Variants in MAPK12 observed in about 807,000 individuals in gnomAD.
The protein encoded by MAPK12 is mitogen-activated protein kinase 12.
A neutral mutation model predicts 49.1 loss-of-function variants in MAPK12; 49 were observed. That is an observed-to-expected ratio of 1.00 (90% CI 0.79 to 1.27). MAPK12 has a LOEUF of 1.27. Ranked by LOEUF, MAPK12 falls within the 50% of genes most tolerant of loss-of-function variation. The pLI, the probability that MAPK12 is intolerant of heterozygous loss-of-function variation, is 0.00. For missense variants in MAPK12, 554 were observed against 502.4 expected, an observed-to-expected ratio of 1.10 and a Z score of -0.98; for synonymous variants, 251 against 209.7, an observed-to-expected ratio of 1.20 and a Z score of -1.70.
chr22:50,254,894 G>A (rs1569141010), intron 11 of MAPK12: 1 of 1,273,244 alleles, frequency 7.9e-7, no homozygotes, highest in Non-Finnish European at 1.0e-6. Context: ...AGCCTGCCAG[G>A]AACACCCTTC....
intron 2 of MAPK12, 104 bp downstream of exon 2, chr22:50,261,063 C>T: frequency 7.6e-7 from 1 of 1,318,956 alleles, no homozygotes; most frequent in Non-Finnish European, 9.9e-7. Context: ...CGCCCGGCCC[C>T]ACAGCAGGCT....
At chr22:50,258,403 G>T in intron 2 of MAPK12, 102 bp from the exon 3 acceptor site, 1 of 970,590 alleles carries the variant, frequency 1.0e-6, no homozygotes, top group Non-Finnish European at 1.6e-6. Context: ...CTCTGCAGCT[G>T]TCATTGTCAT....
chr22:50,256,518 C>A, intron 6 of MAPK12, 81 bp downstream of exon 6: 1 of 1,527,296 alleles, frequency 6.5e-7, no homozygotes, highest in South Asian at 1.3e-5. Context: ...GCCCCCTGCC[C>A]AGGCCTGACA....
Position 50,256,950 on chromosome 22 carries a change from G to C in MAPK12, c.441C>G (p.Ala147=). 6.2e-7 allele frequency: 1 copy of C among 1,606,420 alleles called. No individual in the cohort carries two copies. The highest frequency in any genetic ancestry group is 8.5e-7 in the Non-Finnish European group (1 of 1,178,226). The change falls in exon 5 of 12, where the codon GCC becomes GCG. Residue 147 remains alanine, a synonymous_variant. Coordinates refer to ENST00000215659, the MANE Select transcript of MAPK12 (RefSeq NM_002969.6). ...MLKGLRYIHA[A]GIIHRDLKPG... ...CGGGACTCACTCTGTGGATGATGCC[G>C]GCAGCGTGGATATACTGCGGGGGGC...
chr22:50,257,138 T>C lies in MAPK12; in HGVS notation c.370A>G (p.Lys124Glu). ...TDLGKLMKHE[K>E]LGEDRIQFLV... ...AACTGGATCCGGTCCTCGCCTAGCT[T>C]CTCATGTTTCATGAGCTTGCCCAGG... The change falls in exon 4 of 12, where the codon AAG (lysine) becomes GAG (glutamate). Residue 124 changes from lysine to glutamate, a missense_variant. Lys to Glu is a moderately conservative substitution (Grantham distance 56). Coordinates refer to ENST00000215659, the MANE Select transcript of MAPK12 (RefSeq NM_002969.6). The C allele has an allele frequency of 6.2e-7, 1 of 1,612,940 alleles. No individual in the cohort carries two copies. Among genetic ancestry groups the C allele is most frequent in the Non-Finnish European group, 8.5e-7 (1 of 1,179,950 alleles).
intron 3 of MAPK12, chr22:50,257,876 G>T (rs781434424): frequency 3.9e-6 from 3 of 763,350 alleles, no homozygotes; most frequent in South Asian, 1.4e-5. Flanking sequence ...TCCCCCACCC[G>T]CTGGAAAAGG....
chr22:50,253,662 A>G, intron 11 of MAPK12, 182 bp from the exon 12 acceptor site: 1 of 597,716 alleles, frequency 1.7e-6, no homozygotes, highest in Non-Finnish European at 3.0e-6. Flanking sequence ...TGGATTTTCC[A>G]GGGAAAGGGG....
chr22:50,260,387 C>G (rs1298656454), intron 2 of MAPK12, among the ~76,000 whole-genome samples: 1 of 151,846 alleles, frequency 6.6e-6, no homozygotes, highest in Non-Finnish European at 1.5e-5. Context: ...GGGCCCAGAC[C>G]AGGGGGAGGG....
At chr22:50,256,714 G>C in intron 5 of MAPK12, 68 bp from the exon 6 acceptor site, 8 of 1,552,470 alleles carry the variant, frequency 5.2e-6, no homozygotes, top group Non-Finnish European at 7.0e-6. Context: ...AAGAGCCTGG[G>C]TGGCACCTAA....
chr22:50,253,613 T>C (rs1050013756), intron 11 of MAPK12, 133 bp from the exon 12 acceptor site: 2 of 634,420 alleles, frequency 3.2e-6, no homozygotes, highest in African/African-American at 1.8e-5. Context: ...TCTGAACCAC[T>C]GAGAGAAGGT....
chr22:50,255,102 C>T (rs779629192), intron 11 of MAPK12, 95 bp downstream of exon 11: 3 of 1,489,554 alleles, frequency 2.0e-6, no homozygotes, highest in Non-Finnish European at 2.7e-6. Flanking sequence ...CCACACAGGC[C>T]CTACCCGGAG....
chr22:50,259,109 C>T lies in MAPK12; in HGVS notation c.256-808G>A, dbSNP rs1293527755. Reference sequence around the variant, plus strand: ...TTAAATGGGGACGTGAGGCTAAATGCGTCCTCCTGGCCGTGGTGTAGGAAC... The same window carrying T: ...TTAAATGGGGACGTGAGGCTAAATGTGTCCTCCTGGCCGTGGTGTAGGAAC... On this transcript the variant is annotated intron_variant, in intron 2 of 11. Transcript: ENST00000215659. Among the ~76,000 whole-genome samples, 5 of 152,186 alleles carry T rather than the reference C, an allele frequency of 3.3e-5. No homozygotes were observed. The South Asian group carries it at 8.3e-4, about 25-fold the overall frequency.
Position 50,253,125 on chromosome 22 carries a change from T to G in MAPK12, c.*276A>C. On this transcript the variant is annotated 3_prime_UTR_variant, in exon 12 of 12. Coordinates refer to ENST00000215659, the MANE Select transcript of MAPK12 (RefSeq NM_002969.6). ...CTGGAGCCCCACCAGCTCTGAGGTT[T>G]CTGAGAGCACCGGGCAAGTGGGCCA... 2.0e-6 allele frequency: 1 copy of G among 489,016 alleles called. No individual in the cohort carries two copies. Among genetic ancestry groups the G allele is most frequent in the Non-Finnish European group, 3.8e-6 (1 of 265,974 alleles). The allele number at this position is 489,016 out of a possible 1,614,324, so 30.3% of individuals were successfully genotyped here.
Position 50,253,441 on chromosome 22 carries a change from C to G in MAPK12, c.1064G>C (p.Arg355Pro). 1 of 1,361,218 alleles carries G rather than the reference C, an allele frequency of 7.3e-7. No homozygotes were observed. The highest frequency in any genetic ancestry group is 9.6e-7 in the Non-Finnish European group (1 of 1,039,894). The allele number at this position is 1,361,218 out of a possible 1,614,324, so 84.3% of individuals were successfully genotyped here. A position where few individuals can be genotyped will look rare whatever the true frequency, so the allele number is the denominator to read the frequency against. Residue 355 changes from arginine to proline, a missense_variant, in exon 12 of 12, where the codon CGG becomes CCG. Physicochemically the swap from Arg to Pro is moderately radical, Grantham distance 103. Coordinates refer to ENST00000215659, the MANE Select transcript of MAPK12 (RefSeq NM_002969.6). ...YKEVLSFKPP[R>P]QLGARVSKET... Reference sequence around the variant, plus strand: ...CTTGGAGACCCTGGCCCCCAGCTGCCGGGGAGGCTTGAAGCTGAGCACCTC... The same window carrying G: ...CTTGGAGACCCTGGCCCCCAGCTGCGGGGGAGGCTTGAAGCTGAGCACCTC...
intron 2 of MAPK12, 135 bp from the exon 3 acceptor site, chr22:50,258,436 G>T: frequency 1.3e-6 from 1 of 779,498 alleles, no homozygotes; most frequent in Non-Finnish European, 2.2e-6. Context: ...AAAGGGCCTG[G>T]CTCTGCCCAC....
chr22:50,253,534 C>A, intron 11 of MAPK12, 54 bp from the exon 12 acceptor site: 1 of 901,784 alleles, frequency 1.1e-6, no homozygotes, highest in Non-Finnish European at 1.8e-6. Flanking sequence ...CCTTTGCCTT[C>A]CATCCTGGGA....
intron 2 of MAPK12, among the ~76,000 whole-genome samples, chr22:50,260,555 C>T (rs996442794): frequency 2.0e-5 from 3 of 152,122 alleles, no homozygotes; most frequent in Non-Finnish European, 4.4e-5. Context: ...AAAGGATGGG[C>T]CCCCACAACG....
chr22:50,253,491 T>TGGGGGGGGGGGGGGGGGGG lies in MAPK12; in HGVS notation c.1025-12_1025-11insCCCCCCCCCCCCCCCCCCC. 9.6e-6 allele frequency: 1 copy of TGGGGGGGGGGGGGGGGGGG among 103,838 alleles called. No homozygotes were observed. The highest frequency in any genetic ancestry group is 1.7e-5 in the Non-Finnish European group (1 of 58,504). 6.4% of individuals were successfully genotyped at this position (103,838 alleles called of 1,614,324 possible). On this transcript the variant is annotated splice_polypyrimidine_tract_variant and intron_variant, in intron 11 of 11. Coordinates refer to ENST00000215659, the MANE Select transcript of MAPK12 (RefSeq NM_002969.6). Reference sequence around the variant, plus strand: ...CTTTGTAAGTAACACCTGGCGGGGGTGGGGGGGCGGGCACAACAGAGAGGG... The same window carrying TGGGGGGGGGGGGGGGGGGG: ...CTTTGTAAGTAACACCTGGCGGGGGTGGGGGGGGGGGGGGGGGGGGGGGGGGCGGGCACAACAGAGAGGG...
chr22:50,261,178 G>C lies in MAPK12; in HGVS notation c.244C>G (p.Arg82Gly), dbSNP rs752323718. 1.9e-6 allele frequency: 3 copies of C among 1,590,398 alleles called. No homozygotes were observed. ...GCCGCGCGACTCACGTTCTCGTGGC[G>C]CATGTGCTTGAGCAGGCGCAGCTCG... Reference protein sequence around the residue: ...YRELRLLKHMRHENVIGLLDV... With the variant: ...YRELRLLKHMGHENVIGLLDV... Residue 82 changes from arginine (R) to glycine (G), a missense_variant, in exon 2 of 12, where the codon CGC becomes GGC. Transcript: ENST00000215659.
Sources: allele counts gnomAD v4.1 joint callset (sites outside exome capture counted in the v4.1 genomes callset), GRCh38; gene constraint gnomAD v4.1.1; transcripts MANE v1.5; gene names NCBI Gene and HGNC (gene_info 2026-07-23, HGNC 2026-07-21).